Variants in ARMC9 observed in about 807,000 individuals in gnomAD.
The protein encoded by ARMC9 is armadillo repeat containing 9.
ARMC9 carries 94 observed loss-of-function variants against 107.0 expected under a neutral mutation model. The ratio of observed to expected loss-of-function variants is 0.88; its 90% CI spans 0.74 to 1.04. The LOEUF is 1.04. Among genes scored for constraint, ARMC9 ranks in the 50% least tolerant of loss-of-function variants. The pLI is 0.00. For synonymous variants in ARMC9, 380 were observed against 396.9 expected (o/e 0.96, Z 0.51); for missense variants, 942 against 1,030.1 (o/e 0.91, Z 1.17).
chr2:231,291,483 T>A, intron 18 of ARMC9, 40 bp downstream of exon 18: 1 of 1,581,028 alleles, frequency 6.3e-7, no homozygotes, highest in South Asian at 1.1e-5. Flanking sequence ...TCTTTTGAAT[T>A]ATTCACATTT....
intron 19 of ARMC9, among the ~76,000 whole-genome samples, chr2:231,325,088 C>G (rs2043239393): frequency 6.6e-6 from 1 of 151,846 alleles, no homozygotes; most frequent in African/African-American, 2.4e-5. Flanking sequence ...GCCAGGCGTA[C>G]TGGTACATGC....
Position 231,344,937 on chromosome 2 carries a change from A to G in ARMC9, c.1879-38A>G, listed in dbSNP as rs375876260. The G allele has an allele frequency of 8.1e-6, 13 of 1,605,434 alleles. No individual in the cohort carries two copies. In the African/African-American group the frequency reaches 1.7e-4, roughly 21 times the overall value. ...GACTTCTAGGTCAGCTCTCTAATAG[A>G]TATTTCTCCAGCCCTTTTTTCTCTT... is the stretch of plus-strand genomic sequence containing the variant. On this transcript the variant is annotated intron_variant, in intron 20 of 24. Transcript: ENST00000611582.
At chr2:231,224,770 AAAG>A (rs955870401) in intron 6 of ARMC9, among the ~76,000 whole-genome samples, 1 of 152,226 alleles carries the variant, frequency 6.6e-6, no homozygotes, top group African/African-American at 2.4e-5. Flanking sequence ...TTAGGGATAT[AAAG>A]AAAAGGCCAA....
chr2:231,199,216 A>G (rs952086573), intron 1 of ARMC9, among the ~76,000 whole-genome samples: 5 of 152,208 alleles, frequency 3.3e-5, no homozygotes, highest in Non-Finnish European at 4.4e-5. Flanking sequence ...TAGGAATTCA[A>G]AAGCTGCCGC....
chr2:231,222,909 C>A, intron 6 of ARMC9, 89 bp downstream of exon 6: 1 of 812,292 alleles, frequency 1.2e-6, no homozygotes, highest in South Asian at 1.8e-5. Flanking sequence ...ATTGAGGTTG[C>A]CTCATTAAAT....
At chr2:231,235,185 G>T (rs1209762675) in intron 7 of ARMC9, 39 bp from the exon 8 acceptor site, 1 of 1,579,668 alleles carries the variant, frequency 6.3e-7, no homozygotes, top group East Asian at 2.3e-5. Flanking sequence ...TCATATTGTG[G>T]ATTTTTATTG....
At position 231,226,576 on chromosome 2, in the gene ARMC9, C is replaced by T. The variant is rs139762653; in HGVS notation, c.598-198C>T. Among the ~76,000 whole-genome samples, 183 of 152,246 alleles carry T rather than the reference C, an allele frequency of 1.2e-3. 1 individual carries two copies. Among genetic ancestry groups the T allele is most frequent in the African/African-American group, 4.2e-3 (174 of 41,542 alleles). On this transcript the variant is annotated intron_variant, in intron 6 of 24. Coordinates refer to ENST00000611582, the MANE Select transcript of ARMC9 (RefSeq NM_001352754.2). ...AAATGGGGAGAAGAGGACTTGCCTTCTTCTGAAATGGGAGTGGGTCAGGCC... is the reference window on the plus strand; with the variant it reads ...AAATGGGGAGAAGAGGACTTGCCTTTTTCTGAAATGGGAGTGGGTCAGGCC...
chr2:231,353,651 C>T (rs2045200955), intron 21 of ARMC9, among the ~76,000 whole-genome samples: 1 of 151,672 alleles, frequency 6.6e-6, no homozygotes, highest in Admixed American at 6.6e-5. Flanking sequence ...CCCACCCCGT[C>T]CTGCCCACCA....
In ARMC9 at chr2:231,259,017, C is replaced by T; in HGVS notation, c.941C>T (p.Pro314Leu). The T allele has an allele frequency of 2.5e-6, 4 of 1,613,938 alleles. No individual in the cohort carries two copies. The highest frequency in any genetic ancestry group is 3.4e-6 in the Non-Finnish European group (4 of 1,179,878). Reference protein sequence around the residue: ...PVKLKDVPLLPSLDYEKLKKD... With the variant: ...PVKLKDVPLLLSLDYEKLKKD... ...AAATTGAAGGATGTCCCATTACTGC[C>T]CTCCTTGGATTATGAGAAACTGAAG... The change falls in exon 11 of 25, where the codon CCC becomes CTC. Residue 314 changes from proline (P) to leucine (L), a missense_variant. Coordinates refer to ENST00000611582, the MANE Select transcript of ARMC9 (RefSeq NM_001352754.2).
chr2:231,313,037 T>C (rs545291995), intron 19 of ARMC9, among the ~76,000 whole-genome samples: 23 of 152,368 alleles, frequency 1.5e-4, no homozygotes, highest in African/African-American at 5.3e-4. Context: ...AGTGTTTTTT[T>C]CTGTCTACTC....
Position 231,241,430 on chromosome 2 carries a change from A to C in ARMC9, c.879+1389A>C, listed in dbSNP as rs528551150. Among the ~76,000 whole-genome samples the C allele has an allele frequency of 9.9e-5, 15 of 152,080 alleles. No homozygotes were observed. In the South Asian group the frequency reaches 2.9e-3, roughly 30 times the overall value. On this transcript the variant is annotated intron_variant, in intron 9 of 24. Coordinates refer to ENST00000611582, the MANE Select transcript of ARMC9 (RefSeq NM_001352754.2). ...AAAGTACAGGAACCCACGGGCCAGG[A>C]GCTCACACCAACCTGCTGCCCCATT... is the stretch of plus-strand genomic sequence containing the variant.
chr2:231,270,846 A>G, intron 12 of ARMC9, 136 bp from the exon 13 acceptor site: 1 of 772,972 alleles, frequency 1.3e-6, no homozygotes, highest in Non-Finnish European at 2.2e-6. Flanking sequence ...TCCAGATGAA[A>G]TGTTTGGCTT....
intron 9 of ARMC9, among the ~76,000 whole-genome samples, chr2:231,242,667 A>G (rs1334349496): frequency 1.3e-5 from 2 of 151,868 alleles, no homozygotes; most frequent in East Asian, 1.9e-4. Context: ...TACTAGGAGC[A>G]CTCCTTTCTT....
intron 20 of ARMC9, among the ~76,000 whole-genome samples, chr2:231,336,825 A>G (rs2044121940): frequency 6.6e-6 from 1 of 152,216 alleles, no homozygotes; most frequent in African/African-American, 2.4e-5. Flanking sequence ...GGCCCTGGAG[A>G]CTTGGCCCAT....
intron 19 of ARMC9, among the ~76,000 whole-genome samples, chr2:231,323,149 A>G (rs1280818973): frequency 6.6e-6 from 1 of 151,872 alleles, no homozygotes; most frequent in Non-Finnish European, 1.5e-5. Context: ...TGATCATACC[A>G]CTGCACTCCA....
rs1377066705 is a variant in ARMC9 at position 231,376,208 on chromosome 2, A to T, written c.*4673A>T. On this transcript the variant is annotated 3_prime_UTR_variant, in exon 25 of 25. Transcript: ENST00000611582. ...GTGTGTTTGCGCAATATGAAATCTG[A>T]GCACCTTGAAAAAAGAACAGGGTAA... 6.6e-6 allele frequency among the ~76,000 whole-genome samples: 1 copy of T among 152,192 alleles called. No individual in the cohort carries two copies. Among genetic ancestry groups the T allele is most frequent in the Non-Finnish European group, 1.5e-5 (1 of 68,046 alleles).
intron 20 of ARMC9, among the ~76,000 whole-genome samples, chr2:231,341,911 T>G (rs2044540217): frequency 6.6e-6 from 1 of 152,236 alleles, no homozygotes; most frequent in Non-Finnish European, 1.5e-5. Flanking sequence ...AATCTCCGTC[T>G]GTAACACTGA....
intron 5 of ARMC9, among the ~76,000 whole-genome samples, chr2:231,217,844 C>CAGCA (rs1050555790): frequency 1.8e-4 from 28 of 152,202 alleles, no homozygotes; most frequent in Non-Finnish European, 2.9e-4. Context: ...AGGTGCGCAC[C>CAGCA]AGCACACCTG....
At chr2:231,278,294 G>A in intron 15 of ARMC9, 88 bp from the exon 16 acceptor site, 1 of 1,334,738 alleles carries the variant, frequency 7.5e-7, no homozygotes, top group South Asian at 1.2e-5. Flanking sequence ...GAGCAGAGGA[G>A]CCAAGATTTG....
Sources: gnomAD v4.1 joint callset for allele counts (sites outside exome capture counted in the v4.1 genomes callset) on GRCh38, gnomAD v4.1.1 for gene constraint, MANE v1.5 for transcripts, NCBI Gene and HGNC (gene_info 2026-07-23, HGNC 2026-07-21) for gene names.